GBGT1: variants seen among roughly 807,000 people sequenced by gnomAD.
The protein encoded by GBGT1 is globoside alpha-1,3-N-acetylgalactosaminyltransferase 1.
Under a neutral mutation model 20.9 loss-of-function variants are expected in GBGT1, and 18 were observed. The ratio of observed to expected loss-of-function variants is 0.86; its 90% CI spans 0.60 to 1.28. The LOEUF is 1.28. Among genes scored for constraint, GBGT1 ranks in the 50% most tolerant of loss-of-function variants. The pLI is 0.00. For synonymous variants in GBGT1, 168 were observed against 180.8 expected, an observed-to-expected ratio of 0.93 and a Z score of 0.57; for missense variants, 432 against 455.7, an observed-to-expected ratio of 0.95 and a Z score of 0.47.
At position 133,155,295 on chromosome 9, in the gene GBGT1, G is replaced by A; in HGVS notation, c.242C>T (p.Thr81Ile). The A allele has an allele frequency of 5.0e-6, 8 of 1,613,976 alleles. No individual in the cohort carries two copies. Among genetic ancestry groups the A allele is most frequent in the Non-Finnish European group, 6.8e-6 (8 of 1,179,942 alleles). The change falls in exon 6 of 7, where the codon ACA becomes ATA. Residue 81 changes from threonine (T) to isoleucine (I), a missense_variant. Physicochemically the swap from Thr to Ile is moderately conservative, Grantham distance 89. Transcript: ENST00000372040. ...LLEHRPTQLL[T>I]LTPWLAPIVS... is the part of the protein sequence containing the mutation. The stretch of plus-strand genomic sequence containing the variant: ...GATGGGCGCCAACCAGGGTGTGAGT[G>A]TCAGCAGCTGTGTGGGCCTGGCAGC...
chr9:133,157,685 G>A (rs896095764), intron 3 of GBGT1, among the ~76,000 whole-genome samples: 1 of 152,220 alleles, frequency 6.6e-6, no homozygotes, highest in African/African-American at 2.4e-5. Context: ...GAGGTGCCAG[G>A]GCTGTAGGGT....
chr9:133,159,279 C>A (rs1272867423), intron 3 of GBGT1, among the ~76,000 whole-genome samples: 1 of 152,174 alleles, frequency 6.6e-6, no homozygotes, highest in African/African-American at 2.4e-5. Context: ...ACTCTTGAAT[C>A]AACAATTTTT....
chr9:133,163,709 G>A (rs1176602783), intron 1 of GBGT1, 45 bp downstream of exon 1: 1 of 152,336 alleles, frequency 6.6e-6, no homozygotes, highest in African/African-American at 2.4e-5. Flanking sequence ...CAGGGACTGG[G>A]TGGGGCCAAG....
Position 133,153,794 on chromosome 9 carries a change from G to C in GBGT1, c.827C>G (p.Thr276Ser). 6.2e-7 allele frequency: 1 copy of C among 1,604,206 alleles called. No homozygotes were observed. Among genetic ancestry groups the C allele is most frequent in the East Asian group, 2.2e-5 (1 of 44,830 alleles). ...CAGGATGGCCATGTGGCAGCCCCTA[G>C]TAAACTCATATACCCTGGCCACCTG... ...GGQVARVYEFTRGCHMAILAD... is the reference protein window; with the variant it reads ...GGQVARVYEFSRGCHMAILAD... The change falls in exon 7 of 7, where the codon ACT becomes AGT. Residue 276 changes from threonine (T) to serine (S), a missense_variant. By Grantham distance (58) the Thr-to-Ser change is moderately conservative. Coordinates refer to ENST00000372040, the MANE Select transcript of GBGT1 (RefSeq NM_021996.6).
chr9:133,158,011 G>T (rs892175433), intron 3 of GBGT1, among the ~76,000 whole-genome samples: 1 of 152,134 alleles, frequency 6.6e-6, no homozygotes, highest in African/African-American at 2.4e-5. Flanking sequence ...TGGGCGTGGT[G>T]GTGGGCACCT....
chr9:133,156,155 G>A (rs1378499660), intron 3 of GBGT1, 90 bp from the exon 4 acceptor site: 19 of 1,444,830 alleles, frequency 1.3e-5, no homozygotes, highest in Non-Finnish European at 1.6e-5. Context: ...AGGCCCCTGC[G>A]GGTGGGCACC....
At chr9:133,160,419 C>T (rs1833004130) in intron 3 of GBGT1, among the ~76,000 whole-genome samples, 2 of 152,012 alleles carry the variant, frequency 1.3e-5, no homozygotes. Flanking sequence ...CCCAGGTGTA[C>T]TACACGGTGG....
At chr9:133,156,325 C>G (rs1263720302) in intron 3 of GBGT1, among the ~76,000 whole-genome samples, 1 of 152,150 alleles carries the variant, frequency 6.6e-6, no homozygotes, top group Admixed American at 6.5e-5. Flanking sequence ...AAGGCTGATG[C>G]TTTTCCAACC....
chr9:133,163,214 G>A (rs1171044574), intron 1 of GBGT1: 1 of 152,332 alleles, frequency 6.6e-6, no homozygotes, highest in Non-Finnish European at 1.5e-5. Flanking sequence ...GCGCGGGAAG[G>A]GGCGCCCAGG....
At chr9:133,163,019 G>A (rs1182516635) in intron 1 of GBGT1, 1 of 154,368 alleles carries the variant, frequency 6.5e-6, no homozygotes, top group East Asian at 1.9e-4. Flanking sequence ...CTTTGGGAGA[G>A]GGGCTGGGAC....
chr9:133,158,092 C>T (rs370374688), intron 3 of GBGT1, among the ~76,000 whole-genome samples: 5 of 151,920 alleles, frequency 3.3e-5, no homozygotes, highest in African/African-American at 1.2e-4. Context: ...GTGCAGTGAG[C>T]CGAGATCCCG....
chr9:133,158,025 G>A (rs1249857654), intron 3 of GBGT1, among the ~76,000 whole-genome samples: 1 of 152,034 alleles, frequency 6.6e-6, no homozygotes, highest in African/African-American at 2.4e-5. Flanking sequence ...GGCACCTGTA[G>A]TCCCAGCTAC....
At position 133,162,363 on chromosome 9, in the gene GBGT1, C is replaced by T. The variant is rs759878552; in HGVS notation, c.50G>A (p.Gly17Asp). Reference sequence around the variant, plus strand: ...TCACCACAGGACACTGAGGCTTGTGCCCGCCAACAGGCAGAACCCCAGACC... The same window carrying T: ...TCACCACAGGACACTGAGGCTTGTGTCCGCCAACAGGCAGAACCCCAGACC... ...ALGLGFCLLA[G>D]TSLSVLWVYL... is the part of the protein sequence containing the mutation. Residue 17 changes from glycine (G) to aspartate (D), a missense_variant, in exon 2 of 7, where the codon GGC becomes GAC. Gly to Asp is a moderately conservative substitution (Grantham distance 94). Transcript: ENST00000372040. The T allele has an allele frequency of 1.2e-6, 2 of 1,610,342 alleles. No homozygotes were observed. The highest frequency in any genetic ancestry group is 1.7e-6 in the Non-Finnish European group (2 of 1,179,126).
At chr9:133,155,876 C>A (rs1359636720) in intron 5 of GBGT1, 25 bp downstream of exon 5, 5 of 1,613,094 alleles carry the variant, frequency 3.1e-6, no homozygotes, top group Non-Finnish European at 4.2e-6. Flanking sequence ...CCCCCGCCCC[C>A]ATCAGGCCTC....
intron 2 of GBGT1, among the ~76,000 whole-genome samples, chr9:133,162,090 CA>C (rs1833066160): frequency 6.7e-6 from 1 of 149,264 alleles, no homozygotes; most frequent in Non-Finnish European, 1.5e-5. Context: ...TCTGCAGAGA[CA>C]GGGGGAGTCC....
chr9:133,155,424 G>T, intron 5 of GBGT1, 112 bp from the exon 6 acceptor site: 1 of 1,270,266 alleles, frequency 7.9e-7, no homozygotes, highest in Non-Finnish European at 1.1e-6. Flanking sequence ...CCCCATCTCT[G>T]GGCCTCCCTT....
rs1833039361 is a variant in GBGT1, at chr9:133,161,465, A to C, written c.137+2T>G. The C allele has an allele frequency of 1.9e-6, 3 of 1,603,302 alleles. No homozygotes were observed. The Admixed American group carries it at 5.0e-5, about 27-fold the overall frequency. ...AGTTCTCCTAGCCACACCCATACTT[A>C]CAAGATCTCTGGGCAGGGGAGATAA... On this transcript the variant is annotated splice_donor_variant, in intron 3 of 6. Transcript: ENST00000372040. LOFTEE classifies it high-confidence loss of function.
At position 133,162,442 on chromosome 9, in the gene GBGT1, T is replaced by A; in HGVS notation, c.-30A>T. ...GGGGGCTGCACCTGAGCCTGGGCAC[T>A]TGTAGAGACCCCCACTGGCCTGGGC... On this transcript the variant is annotated 5_prime_UTR_variant, in exon 2 of 7. In the 5' UTR this introduces an upstream ATG that the reference lacks. Transcript: ENST00000372040. 1 of 1,576,672 alleles carries A rather than the reference T, an allele frequency of 6.3e-7. No individual in the cohort carries two copies. The highest frequency in any genetic ancestry group is 8.6e-7 in the Non-Finnish European group (1 of 1,159,294).
chr9:133,162,090 C>G (rs1833066048), intron 2 of GBGT1, among the ~76,000 whole-genome samples: 1 of 149,264 alleles, frequency 6.7e-6, no homozygotes, highest in Non-Finnish European at 1.5e-5. Context: ...TCTGCAGAGA[C>G]AGGGGGAGTC....
Sources: gnomAD v4.1 joint callset for allele counts (sites outside exome capture counted in the v4.1 genomes callset) on GRCh38, gnomAD v4.1.1 for gene constraint, MANE v1.5 for transcripts, NCBI Gene and HGNC (gene_info 2026-07-23, HGNC 2026-07-21) for gene names.